ANKS1B: variants seen among roughly 807,000 people sequenced by gnomAD.
The protein encoded by ANKS1B is ankyrin repeat and sterile alpha motif domain containing 1B.
A neutral mutation model predicts 148.3 loss-of-function variants in ANKS1B; 36 were observed. The ratio of observed to expected loss-of-function variants is 0.24; its 90% confidence interval spans 0.19 to 0.32. ANKS1B has a LOEUF of 0.32. ANKS1B is among the 10% of genes least tolerant of loss of function. The pLI is 1.00. For missense variants in ANKS1B, 1,157 were observed against 1,542.6 expected, an observed-to-expected ratio of 0.75 and a Z score of 4.19; for synonymous variants, 542 against 560.8, an observed-to-expected ratio of 0.97 and a Z score of 0.47.
intron 9 of ANKS1B, among the ~76,000 whole-genome samples, chr12:99,547,959 T>C (rs1240232406): frequency 6.6e-6 from 1 of 152,196 alleles, no homozygotes; most frequent in Non-Finnish European, 1.5e-5. Context: ...ATGTATGCCC[T>C]TCCCTGATGC....
At chr12:99,305,138 T>C (rs775703044) in intron 12 of ANKS1B, among the ~76,000 whole-genome samples, 15 of 151,998 alleles carry the variant, frequency 9.9e-5, no homozygotes, top group Non-Finnish European at 2.1e-4. Flanking sequence ...CTAAATTCTT[T>C]TTAACAATCA....
chr12:99,421,426 T>C (rs2095078040), intron 11 of ANKS1B, among the ~76,000 whole-genome samples: 1 of 152,096 alleles, frequency 6.6e-6, no homozygotes, highest in Non-Finnish European at 1.5e-5. Context: ...GGGGCGTCTC[T>C]GATGGGAAAT....
chr12:98,879,101 A>G (rs1373822860), intron 17 of ANKS1B, among the ~76,000 whole-genome samples: 1 of 152,100 alleles, frequency 6.6e-6, no homozygotes, highest in Non-Finnish European at 1.5e-5. Flanking sequence ...GTTAAACTTA[A>G]TTTTTCAGAT....
intron 17 of ANKS1B, among the ~76,000 whole-genome samples, chr12:98,841,807 T>G (rs1193082626): frequency 6.6e-6 from 1 of 152,042 alleles, no homozygotes; most frequent in East Asian, 1.9e-4. Flanking sequence ...TTTTCTCCCT[T>G]TGTCCCCACC....
intron 17 of ANKS1B, among the ~76,000 whole-genome samples, chr12:98,858,117 TC>T (rs1336371751): frequency 2.0e-5 from 3 of 152,166 alleles, no homozygotes; most frequent in African/African-American, 7.2e-5. Flanking sequence ...TACCTCCTCC[TC>T]CGCCCCCATC....
chr12:99,273,558 T>TC (rs1491167652), intron 12 of ANKS1B, among the ~76,000 whole-genome samples: 1 of 134,826 alleles, frequency 7.4e-6, no homozygotes, highest in Non-Finnish European at 1.6e-5. Flanking sequence ...TATCAGATTC[T>TC]TTTTTTTTTT....
chr12:99,786,635 T>C (rs1020852554), intron 4 of ANKS1B, among the ~76,000 whole-genome samples: 5 of 152,108 alleles, frequency 3.3e-5, no homozygotes, highest in Admixed American at 2.0e-4. Flanking sequence ...TAAGGCAAAA[T>C]TGTACAATCT....
intron 8 of ANKS1B, among the ~76,000 whole-genome samples, chr12:99,767,274 C>G (rs1007950916): frequency 7.2e-5 from 11 of 152,138 alleles, no homozygotes; most frequent in African/African-American, 2.4e-4. Context: ...CAATGCAACC[C>G]CTTTCAAACC....
intron 17 of ANKS1B, among the ~76,000 whole-genome samples, chr12:98,948,456 TTAAC>T (rs918098168): frequency 2.0e-5 from 3 of 152,200 alleles, no homozygotes; most frequent in Non-Finnish European, 2.9e-5. Context: ...TTTTGAGTGA[TTAAC>T]TAAGTTGCTC....
chr12:99,265,459 G>C (rs1300515924), intron 12 of ANKS1B, among the ~76,000 whole-genome samples: 1 of 152,102 alleles, frequency 6.6e-6, no homozygotes, highest in Non-Finnish European at 1.5e-5. Context: ...TCTTGGGGTG[G>C]GCCCAGCAAT....
chr12:98,823,892 T>G (rs1248502669), intron 19 of ANKS1B, among the ~76,000 whole-genome samples: 1 of 152,258 alleles, frequency 6.6e-6, no homozygotes, highest in Non-Finnish European at 1.5e-5. Flanking sequence ...GGGTAGAATT[T>G]CTGGGAACAA....
chr12:99,731,484 T>G (rs1414423495), intron 8 of ANKS1B, among the ~76,000 whole-genome samples: 1 of 151,662 alleles, frequency 6.6e-6, no homozygotes, highest in African/African-American at 2.4e-5. Flanking sequence ...CCAGTTTTTC[T>G]GGAGAAAGAG....
intron 9 of ANKS1B, among the ~76,000 whole-genome samples, chr12:99,512,153 C>T (rs1294333577): frequency 6.6e-6 from 1 of 151,940 alleles, no homozygotes; most frequent in Non-Finnish European, 1.5e-5. Flanking sequence ...AAAATTTTTG[C>T]AATCTATCCA....
rs1322370587 is a variant in ANKS1B at position 99,906,024 on chromosome 12, G to A, written c.134+78080C>T. Among the ~76,000 whole-genome samples the A allele has an allele frequency of 5.3e-5, 8 of 152,056 alleles. No individual in the cohort carries two copies. The East Asian group carries it at 1.4e-3, about 26-fold the overall frequency. ...GTCATATAGAGTTATTTGGTTTCAG[G>A]GATATGTTAAACATGAAAGATCTAA... On this transcript the variant is annotated intron_variant, in intron 1 of 26. Transcript: ENST00000683438.
At chr12:99,827,077 C>G (rs2083292275) in intron 1 of ANKS1B, among the ~76,000 whole-genome samples, 1 of 152,004 alleles carries the variant, frequency 6.6e-6, no homozygotes, top group South Asian at 2.1e-4. Context: ...CATAATCATG[C>G]CACTGCACTC....
intron 8 of ANKS1B, among the ~76,000 whole-genome samples, chr12:99,739,343 G>A (rs1204494516): frequency 8.5e-6 from 1 of 118,034 alleles, no homozygotes; most frequent in African/African-American, 3.2e-5. Context: ...GGTTTTTTTT[G>A]GGGGGGGCGG....
chr12:98,787,111 C>A (rs760956002), intron 22 of ANKS1B, among the ~76,000 whole-genome samples: 13 of 152,176 alleles, frequency 8.5e-5, no homozygotes, highest in Middle Eastern at 3.4e-3. Context: ...GTTTGGTAGC[C>A]CTAAGTGACT....
At chr12:98,841,246 T>C (rs2099404317) in intron 17 of ANKS1B, among the ~76,000 whole-genome samples, 1 of 152,148 alleles carries the variant, frequency 6.6e-6, no homozygotes, top group Non-Finnish European at 1.5e-5. Context: ...TATATCCATA[T>C]AAAATAAACA....
chr12:99,223,813 T>C (rs1246810717), intron 14 of ANKS1B, among the ~76,000 whole-genome samples: 2 of 152,226 alleles, frequency 1.3e-5, no homozygotes, highest in Admixed American at 1.3e-4. Flanking sequence ...TTAGTAATCA[T>C]TTTAAAAATA....
Sources: allele counts gnomAD v4.1 joint callset (sites outside exome capture counted in the v4.1 genomes callset), GRCh38; gene constraint gnomAD v4.1.1; transcripts MANE v1.5; gene names NCBI Gene and HGNC (gene_info 2026-07-23, HGNC 2026-07-21).